SH3D19: variants seen among roughly 807,000 people sequenced by gnomAD.
The protein encoded by SH3D19 is SH3 domain-containing protein 19.
In SH3D19, 58 loss-of-function variants were observed where a neutral mutation model predicts 112.1. The ratio of observed to expected loss-of-function variants is 0.52; its 90% CI spans 0.42 to 0.64. The LOEUF is 0.64. SH3D19 is among the 30% of genes least tolerant of loss of function. SH3D19 has a pLI of 0.00. For missense variants in SH3D19, 1,090 were observed against 1,263.4 expected, an observed-to-expected ratio of 0.86 and a Z score of 2.08; for synonymous variants, 391 against 448.5, an observed-to-expected ratio of 0.87 and a Z score of 1.62.
chr4:151,291,105 A>G, intron 1 of SH3D19: 1 of 1,591,428 alleles, frequency 6.3e-7, no homozygotes, highest in South Asian at 1.1e-5. Context: ...ATTACCTTTC[A>G]TTTCTTCCTT....
At chr4:151,147,223 A>G (rs1223319953) in intron 11 of SH3D19, among the ~76,000 whole-genome samples, 3 of 152,238 alleles carry the variant, frequency 2.0e-5, no homozygotes, top group Admixed American at 1.3e-4. Flanking sequence ...CTATGATTGC[A>G]TCACTGCACT....
chr4:151,282,120 A>G (rs1312650196), intron 1 of SH3D19: 15 of 1,610,476 alleles, frequency 9.3e-6, no homozygotes, highest in Non-Finnish European at 1.2e-5. Context: ...TGCAGGCCAT[A>G]AGCAGGCCTC....
chr4:151,180,832 C>A (rs1295552024), intron 3 of SH3D19, among the ~76,000 whole-genome samples: 1 of 147,820 alleles, frequency 6.8e-6, no homozygotes, highest in East Asian at 2.1e-4. Flanking sequence ...GGCGCCATCT[C>A]GGCTCACTGC....
intron 19 of SH3D19, among the ~76,000 whole-genome samples, chr4:151,124,112 A>AT (rs11385423): frequency 0.8 from 118,885 of 147,842 alleles, 49,617 homozygotes; most frequent in Non-Finnish European, 0.94. Context: ...GGCTAGGACT[A>AT]TTTTTTTTTT....
chr4:151,214,118 C>T (rs1310987441), intron 2 of SH3D19, among the ~76,000 whole-genome samples: 2 of 151,086 alleles, frequency 1.3e-5, no homozygotes, highest in African/African-American at 4.9e-5. Context: ...GCACATCTTG[C>T]ACCGCCCTTA....
intron 13 of SH3D19, among the ~76,000 whole-genome samples, chr4:151,139,120 C>T (rs913185972): frequency 1.3e-4 from 20 of 152,144 alleles, no homozygotes; most frequent in Non-Finnish European, 8.8e-5. Context: ...CCACTGTGCC[C>T]AGCCATATTA....
At chr4:151,139,679 A>AT in intron 13 of SH3D19, 96 bp downstream of exon 13, 1 of 1,074,424 alleles carries the variant, frequency 9.3e-7, no homozygotes, top group South Asian at 1.4e-5. Context: ...GCACAGAAAA[A>AT]TGAAGAAGGA....
At chr4:151,242,769 T>G (rs991793975) in intron 1 of SH3D19, among the ~76,000 whole-genome samples, 2 of 152,182 alleles carry the variant, frequency 1.3e-5, no homozygotes, top group African/African-American at 4.8e-5. Flanking sequence ...ATAAAGCATC[T>G]GGTTATGAGA....
At chr4:151,156,537 G>A (rs907887580) in intron 9 of SH3D19, among the ~76,000 whole-genome samples, 1 of 152,118 alleles carries the variant, frequency 6.6e-6, no homozygotes, top group Non-Finnish European at 1.5e-5. Context: ...ACAGCCAATC[G>A]ATTTTTGACA....
intron 1 of SH3D19, among the ~76,000 whole-genome samples, chr4:151,313,071 G>C (rs758791721): frequency 7.1e-6 from 1 of 141,728 alleles, no homozygotes; most frequent in Non-Finnish European, 1.5e-5. Context: ...CCTGGGCAAT[G>C]AGCGAGACTC....
At chr4:151,240,423 A>G (rs933594145) in intron 1 of SH3D19, among the ~76,000 whole-genome samples, 1 of 151,842 alleles carries the variant, frequency 6.6e-6, no homozygotes, top group Admixed American at 6.6e-5. Flanking sequence ...AAAAAAAAAA[A>G]AAGTCAAGGG....
intron 14 of SH3D19, among the ~76,000 whole-genome samples, chr4:151,136,583 T>TGAA (rs1751900978): frequency 2.2e-4 from 1 of 4,452 alleles, no homozygotes; most frequent in African/African-American, 3.1e-4. Context: ...AGTGCCTTCT[T>TGAA]GAATTTTAAA....
At chr4:151,196,857 G>C (rs778794055) in intron 2 of SH3D19, among the ~76,000 whole-genome samples, 1 of 151,954 alleles carries the variant, frequency 6.6e-6, no homozygotes, top group Non-Finnish European at 1.5e-5. Context: ...ATTCTCAAAG[G>C]AAGATATATA....
At chr4:151,279,633 G>A (rs1333367702) in intron 1 of SH3D19, among the ~76,000 whole-genome samples, 1 of 152,176 alleles carries the variant, frequency 6.6e-6, no homozygotes, top group Non-Finnish European at 1.5e-5. Flanking sequence ...TCTCCATTTT[G>A]AGCCCAAGAC....
At chr4:151,169,043 C>T (rs1758590532) in intron 7 of SH3D19, among the ~76,000 whole-genome samples, 1 of 152,064 alleles carries the variant, frequency 6.6e-6, no homozygotes, top group African/African-American at 2.4e-5. Flanking sequence ...GGAAGAATGG[C>T]CTCAGGAAAT....
intron 1 of SH3D19, among the ~76,000 whole-genome samples, chr4:151,230,113 C>T (rs1769489207): frequency 6.6e-6 from 1 of 152,188 alleles, no homozygotes; most frequent in Admixed American, 6.5e-5. Flanking sequence ...AGATTATCCA[C>T]ATTTTCCTTT....
At chr4:151,294,804 T>C (rs1775587052) in intron 1 of SH3D19, among the ~76,000 whole-genome samples, 1 of 152,190 alleles carries the variant, frequency 6.6e-6, no homozygotes, top group Non-Finnish European at 1.5e-5. Context: ...ATTATAATAA[T>C]GTCATGTACA....
intron 9 of SH3D19, among the ~76,000 whole-genome samples, chr4:151,155,476 T>G (rs1453490919): frequency 2.0e-5 from 3 of 152,230 alleles, no homozygotes; most frequent in African/African-American, 7.2e-5. Context: ...ATAAGCATAG[T>G]TAATGCACAA....
chr4:151,286,453 T>C (rs1774796409), intron 1 of SH3D19, among the ~76,000 whole-genome samples: 1 of 151,542 alleles, frequency 6.6e-6, no homozygotes, highest in Non-Finnish European at 1.5e-5. Context: ...TGTAACACAC[T>C]ACTATGAATA....
Sources: allele counts gnomAD v4.1 joint callset (sites outside exome capture counted in the v4.1 genomes callset), GRCh38; gene constraint gnomAD v4.1.1; transcripts MANE v1.5; gene names NCBI Gene and HGNC (gene_info 2026-07-23, HGNC 2026-07-21).